LY75: variants seen among roughly 807,000 people sequenced by gnomAD.
LY75 encodes lymphocyte antigen 75.
LY75 carries 185 observed loss-of-function variants against 231.7 expected under a neutral mutation model. That is an observed-to-expected ratio of 0.80 (90% CI 0.71 to 0.90). LY75 has a LOEUF of 0.90. Ranked by LOEUF, LY75 falls within the 40% of genes least tolerant of loss-of-function variation. The probability of loss-of-function intolerance (pLI) is 0.00; values close to 1 mark genes in which losing one functional copy is unlikely to be tolerated. For synonymous variants in LY75, 668 were observed against 689.0 expected (o/e 0.97, Z 0.48); for missense variants, 1,947 against 2,050.2 (o/e 0.95, Z 0.97).
chr2:159,904,471 C>T, intron 1 of LY75, 118 bp downstream of exon 1: 2 of 1,174,502 alleles, frequency 1.7e-6, no homozygotes, highest in Non-Finnish European at 2.3e-6. Flanking sequence ...CCCCCCGCCC[C>T]AACAGCAAAG....
chr2:159,864,736 G>T lies in LY75; in HGVS notation c.2199+103C>A, dbSNP rs1391595821. ...CTTTGGCTATTCAGGGTCTTTTGTG[G>T]TTCCATATAAATTTTAGGTGTCAAT... On this transcript the variant is annotated intron_variant, in intron 14 of 34. Transcript: ENST00000263636. 1.4e-5 allele frequency: 16 copies of T among 1,165,002 alleles called. 1 individual carries two copies. The highest frequency in any genetic ancestry group is 6.3e-5 in the South Asian group (3 of 47,514). 72.2% of individuals were successfully genotyped at this position (1,165,002 alleles called of 1,614,324 possible). A position where few individuals can be genotyped will look rare whatever the true frequency, so the allele number is the denominator to read the frequency against.
In LY75 at chr2:159,860,852, T is replaced by A; in HGVS notation, c.2237A>T (p.Asp746Val). ...TIIMPNEFQQ[D>V]YDIRDCAAVK... ...AGCAGCACAGTCTCTGATGTCATAA[T>A]CCTGCTGAAACTCATTTGGCATGAT... The change falls in exon 15 of 35, where the codon GAT becomes GTT. Residue 746 changes from aspartate to valine, a missense_variant. Physicochemically the swap from Asp to Val is radical, Grantham distance 152. Transcript: ENST00000263636. The A allele has an allele frequency of 6.2e-7, 1 of 1,614,042 alleles. No homozygotes were observed. The highest frequency in any genetic ancestry group is 8.5e-7 in the Non-Finnish European group (1 of 1,179,914).
chr2:159,872,358 T>C (rs1685040349), intron 13 of LY75, 93 bp downstream of exon 13: 6 of 1,496,440 alleles, frequency 4.0e-6, no homozygotes, highest in Admixed American at 2.2e-5. Context: ...GTCCATTTTT[T>C]TTCCAACAGA....
At chr2:159,818,742 T>C (rs1270108464) in intron 29 of LY75, among the ~76,000 whole-genome samples, 1 of 152,172 alleles carries the variant, frequency 6.6e-6, no homozygotes, top group Non-Finnish European at 1.5e-5. Flanking sequence ...CTCTGTACTA[T>C]CTTTGCAACT....
chr2:159,826,268 C>A (rs1683464919), intron 28 of LY75, among the ~76,000 whole-genome samples: 1 of 152,156 alleles, frequency 6.6e-6, no homozygotes, highest in Non-Finnish European at 1.5e-5. Context: ...TCTCAAGATA[C>A]AAAATCAATG....
intron 28 of LY75, among the ~76,000 whole-genome samples, chr2:159,826,611 A>T (rs12477909): frequency 0.014 from 2,094 of 152,298 alleles, 19 homozygotes; most frequent in Admixed American, 0.029. Context: ...AACTACTTTA[A>T]ACTTCATATG....
intron 1 of LY75, among the ~76,000 whole-genome samples, chr2:159,900,802 A>C (rs745749854): frequency 4.6e-5 from 7 of 152,202 alleles, no homozygotes; most frequent in Non-Finnish European, 1.0e-4. Context: ...ATTCCACAGG[A>C]TTGCAGCTAA....
chr2:159,847,233 C>T (rs941930814), intron 23 of LY75, among the ~76,000 whole-genome samples: 12 of 152,234 alleles, frequency 7.9e-5, no homozygotes, highest in Middle Eastern at 3.4e-3. Context: ...AGGCTGGTCT[C>T]GAACTCCTGA....
At chr2:159,819,486 C>T (rs1302943888) in intron 29 of LY75, among the ~76,000 whole-genome samples, 1 of 151,976 alleles carries the variant, frequency 6.6e-6, no homozygotes, top group African/African-American at 2.4e-5. Context: ...AATCTAAGAC[C>T]AATTTACATT....
intron 32 of LY75, 86 bp from the exon 33 acceptor site, chr2:159,808,657 T>C: frequency 2.0e-6 from 3 of 1,522,360 alleles, no homozygotes; most frequent in Non-Finnish European, 2.6e-6. Flanking sequence ...AAAATACATA[T>C]ATTATTAACA....
At chr2:159,889,293 A>G (rs769581891) in intron 4 of LY75, among the ~76,000 whole-genome samples, 6 of 152,154 alleles carry the variant, frequency 3.9e-5, no homozygotes, top group Non-Finnish European at 7.4e-5. Flanking sequence ...CAGTGATGCC[A>G]TCATAGCTCT....
At chr2:159,901,036 A>C (rs963581984) in intron 1 of LY75, among the ~76,000 whole-genome samples, 1 of 152,048 alleles carries the variant, frequency 6.6e-6, no homozygotes, top group African/African-American at 2.4e-5. Context: ...ATGGGGTTTC[A>C]CCATGTTGGC....
At chr2:159,869,940 A>T (rs1684960574) in intron 13 of LY75, among the ~76,000 whole-genome samples, 1 of 152,200 alleles carries the variant, frequency 6.6e-6, no homozygotes, top group African/African-American at 2.4e-5. Context: ...AAGAGTTAGT[A>T]TTTAGTATAT....
intron 29 of LY75, among the ~76,000 whole-genome samples, chr2:159,817,876 C>T (rs990369138): frequency 6.6e-6 from 1 of 151,830 alleles, no homozygotes. Context: ...GGTGAAACCC[C>T]GTCTCTACCA....
chr2:159,873,769 A>G (rs892520990), intron 12 of LY75, among the ~76,000 whole-genome samples: 2 of 106,414 alleles, frequency 1.9e-5, no homozygotes, highest in Non-Finnish European at 4.6e-5. Flanking sequence ...ACATAAATAT[A>G]TACATTTTGT....
intron 29 of LY75, among the ~76,000 whole-genome samples, chr2:159,818,831 A>G (rs1035067098): frequency 6.6e-6 from 1 of 152,188 alleles, no homozygotes; most frequent in Non-Finnish European, 1.5e-5. Flanking sequence ...AGAAATTGGA[A>G]AACTTCTTGG....
At position 159,894,057 on chromosome 2, in the gene LY75, T is replaced by G. The variant is rs115112382; in HGVS notation, c.494A>C (p.Tyr165Ser). 16 of 1,612,888 alleles carry G rather than the reference T, an allele frequency of 9.9e-6. No homozygotes were observed. The highest frequency in any genetic ancestry group is 1.3e-5 in the Non-Finnish European group (15 of 1,179,372). ...GAATGGAAATTCACAAGGTCTCCCA[T>G]AAGAGTTCCCATCTCTGGTATAGAT... ...HEIYTRDGNS[Y>S]GRPCEFPFLI... The change falls in exon 3 of 35, where the codon TAT becomes TCT. Residue 165 changes from tyrosine to serine, a missense_variant. Coordinates refer to ENST00000263636, the MANE Select transcript of LY75 (RefSeq NM_002349.4).
At chr2:159,875,900 T>C (rs1685253794) in intron 11 of LY75, among the ~76,000 whole-genome samples, 1 of 152,140 alleles carries the variant, frequency 6.6e-6, no homozygotes, top group African/African-American at 2.4e-5. Context: ...ACAGTGAGAA[T>C]GAAGTGACTT....
intron 30 of LY75, among the ~76,000 whole-genome samples, 173 bp from the exon 31 acceptor site, chr2:159,815,746 G>A (rs1252407320): frequency 6.6e-6 from 1 of 152,194 alleles, no homozygotes; most frequent in Non-Finnish European, 1.5e-5. Context: ...CTGATGCATT[G>A]ATTTGGGACA....
Sources: allele counts gnomAD v4.1 joint callset (sites outside exome capture counted in the v4.1 genomes callset), GRCh38; gene constraint gnomAD v4.1.1; transcripts MANE v1.5; gene names NCBI Gene and HGNC (gene_info 2026-07-23, HGNC 2026-07-21).